Variants in APBA1 observed in about 807,000 individuals in gnomAD.
APBA1 encodes amyloid beta precursor protein binding family A member 1.
A neutral mutation model predicts 86.6 loss-of-function variants in APBA1; 55 were observed. The ratio of observed to expected loss-of-function variants is 0.64; its 90% CI spans 0.51 to 0.80. The LOEUF (loss-of-function observed/expected upper bound fraction) is 0.80. APBA1 is among the 30% of genes least tolerant of loss of function. The pLI is 0.00. For missense variants in APBA1, 1,090 were observed against 1,183.0 expected, an observed-to-expected ratio of 0.92 and a Z score of 1.15; for synonymous variants, 511 against 493.9, an observed-to-expected ratio of 1.03 and a Z score of -0.46.
chr9:69,611,935 G>T (rs1201208078), intron 1 of APBA1, among the ~76,000 whole-genome samples: 3 of 152,112 alleles, frequency 2.0e-5, no homozygotes, highest in Admixed American at 2.0e-4. Flanking sequence ...AAATAAGCTA[G>T]TTTTAAATTT....
At chr9:69,559,701 T>C (rs947089527) in intron 1 of APBA1, among the ~76,000 whole-genome samples, 1 of 152,248 alleles carries the variant, frequency 6.6e-6, no homozygotes, top group Non-Finnish European at 1.5e-5. Flanking sequence ...ATGCTGCCAG[T>C]TGAACTGCTA....
rs752115782 is a variant in APBA1 at position 69,456,454 on chromosome 9, G to A, written c.1603-22C>T. The A allele has an allele frequency of 3.2e-6, 5 of 1,563,170 alleles. No homozygotes were observed. In the African/African-American group the frequency reaches 4.1e-5, roughly 13 times the overall value. On this transcript the variant is annotated intron_variant, in intron 7 of 12. Transcript: ENST00000265381. ...TCTCCTGGAGGCAGGAAGAGAGGGC[G>A]GGTAAGTCCAGCTCAGCATCTAATG...
intron 1 of APBA1, among the ~76,000 whole-genome samples, chr9:69,633,753 C>A (rs554473222): frequency 1.3e-4 from 20 of 152,162 alleles, no homozygotes; most frequent in Non-Finnish European, 2.5e-4. Context: ...TCTAGCAGAA[C>A]CAGAGTTAAA....
intron 1 of APBA1, among the ~76,000 whole-genome samples, chr9:69,525,170 A>G (rs1187035570): frequency 6.6e-6 from 1 of 152,196 alleles, no homozygotes; most frequent in Non-Finnish European, 1.5e-5. Context: ...GAGAACTGGA[A>G]CAAGGCAAGG....
chr9:69,566,874 C>A (rs1468616793), intron 1 of APBA1, among the ~76,000 whole-genome samples: 1 of 152,104 alleles, frequency 6.6e-6, no homozygotes, highest in Non-Finnish European at 1.5e-5. Flanking sequence ...TATTATCTGG[C>A]ATTATACACT....
At chr9:69,628,032 T>C (rs778887076) in intron 1 of APBA1, among the ~76,000 whole-genome samples, 9 of 152,074 alleles carry the variant, frequency 5.9e-5, no homozygotes, top group Non-Finnish European at 1.3e-4. Context: ...AGAACAAAGA[T>C]GATGGGAAGT....
At chr9:69,449,912 C>G in intron 9 of APBA1, 116 bp from the exon 10 acceptor site, 1 of 840,986 alleles carries the variant, frequency 1.2e-6, no homozygotes, top group Non-Finnish European at 1.8e-6. Flanking sequence ...CCTGGGGACA[C>G]CAACCCAGAT....
chr9:69,564,644 G>T (rs1173953345), intron 1 of APBA1, among the ~76,000 whole-genome samples: 2 of 152,162 alleles, frequency 1.3e-5, no homozygotes, highest in African/African-American at 4.8e-5. Context: ...CACCCATTAG[G>T]ATGGCTATTA....
chr9:69,658,223 T>C (rs565408558), intron 1 of APBA1, among the ~76,000 whole-genome samples: 3 of 11,590 alleles, frequency 2.6e-4, no homozygotes, highest in South Asian at 5.6e-3. Context: ...GTCCTTTCTC[T>C]CTTTCTTTCT....
chr9:69,578,283 C>T (rs1450500598), intron 1 of APBA1, among the ~76,000 whole-genome samples: 1 of 152,162 alleles, frequency 6.6e-6, no homozygotes, highest in Non-Finnish European at 1.5e-5. Flanking sequence ...GCTTCTATGT[C>T]CCCACAGACC....
At chr9:69,657,437 G>T (rs1823634572) in intron 1 of APBA1, among the ~76,000 whole-genome samples, 1 of 152,180 alleles carries the variant, frequency 6.6e-6, no homozygotes, top group Non-Finnish European at 1.5e-5. Context: ...GGGAACCATG[G>T]TTCACACTGA....
At position 69,516,325 on chromosome 9, in the gene APBA1, C is replaced by T. The variant is rs1588334341; in HGVS notation, c.886G>A (p.Ala296Thr). ...GGGGGACGCTCCAGGTCCTGCTCGG[C>T]CTCAGGCATGTCCTCGGCTGCCTTG... The part of the protein sequence containing the change: ...LDKAAEDMPE[A>T]EQDLERPPTP... Residue 296 changes from alanine to threonine, a missense_variant, in exon 2 of 13, where the codon GCC becomes ACC. By Grantham distance (58) the Ala-to-Thr change is moderately conservative (BLOSUM62 0). Coordinates refer to ENST00000265381, the MANE Select transcript of APBA1 (RefSeq NM_001163.4). This position sits in a 1 kb window ranked among gnomAD's most constrained non-coding sequence, Gnocchi z 7.3. 1.0e-5 allele frequency: 16 copies of T among 1,593,454 alleles called. No homozygotes were observed. Among genetic ancestry groups the T allele is most frequent in the Middle Eastern group, 1.7e-4 (1 of 6,004 alleles).
chr9:69,457,657 TAAGA>T (rs773831478), intron 6 of APBA1, among the ~76,000 whole-genome samples: 1 of 152,072 alleles, frequency 6.6e-6, no homozygotes, highest in Non-Finnish European at 1.5e-5. Flanking sequence ...GCCACCCCAT[TAAGA>T]AAGAGCCCCA....
intron 2 of APBA1, among the ~76,000 whole-genome samples, chr9:69,485,175 C>T (rs1835587238): frequency 1.3e-5 from 2 of 151,880 alleles, no homozygotes; most frequent in Admixed American, 6.6e-5. Flanking sequence ...CACCTGGGCT[C>T]CAAGGACACT....
At chr9:69,631,995 T>C (rs1390951330) in intron 1 of APBA1, among the ~76,000 whole-genome samples, 1 of 151,986 alleles carries the variant, frequency 6.6e-6, no homozygotes, top group Non-Finnish European at 1.5e-5. Flanking sequence ...CATGTATACA[T>C]ATGTAACAAA....
intron 10 of APBA1, among the ~76,000 whole-genome samples, chr9:69,441,340 G>A (rs564952314): frequency 2.0e-5 from 3 of 152,316 alleles, no homozygotes; most frequent in South Asian, 4.1e-4. Context: ...CTTAGCCCAC[G>A]CACAGATGGG....
chr9:69,453,326 G>A (rs1441530692), intron 8 of APBA1, among the ~76,000 whole-genome samples: 3 of 152,178 alleles, frequency 2.0e-5, no homozygotes, highest in Admixed American at 2.0e-4. Context: ...GTCCAACCCT[G>A]CATTTTCCAG....
intron 1 of APBA1, among the ~76,000 whole-genome samples, chr9:69,588,157 C>A (rs1293361636): frequency 6.6e-6 from 1 of 151,690 alleles, no homozygotes; most frequent in African/African-American, 2.4e-5. Flanking sequence ...CAAAGGCAAG[C>A]AAATAATGAA....
At chr9:69,467,788 C>T (rs1297645778) in intron 5 of APBA1, 35 bp downstream of exon 5, 1 of 1,613,310 alleles carries the variant, frequency 6.2e-7, no homozygotes. Flanking sequence ...CTACACCAGC[C>T]CCCTGTCCCT....
Sources: allele counts gnomAD v4.1 joint callset (sites outside exome capture counted in the v4.1 genomes callset), GRCh38; gene constraint gnomAD v4.1.1; non-coding constraint Gnocchi (gnomAD v3.1); transcripts MANE v1.5; gene names NCBI Gene and HGNC (gene_info 2026-07-23, HGNC 2026-07-21).